PARD3B: variants seen among roughly 807,000 people sequenced by gnomAD.
PARD3B encodes the protein par-3 family cell polarity regulator beta, also known as partitioning defective 3 homolog B.
PARD3B carries 103 observed loss-of-function variants against 130.2 expected under a neutral mutation model. The ratio of observed to expected loss-of-function variants is 0.79; its 90% CI spans 0.67 to 0.93. The LOEUF is 0.93. Ranked by LOEUF, PARD3B falls within the 40% of genes least tolerant of loss-of-function variation. PARD3B has a pLI of 0.00. For missense variants in PARD3B, 1,609 were observed against 1,499.2 expected, an observed-to-expected ratio of 1.07 and a Z score of -1.21; for synonymous variants, 583 against 553.2, an observed-to-expected ratio of 1.05 and a Z score of -0.76.
At chr2:205,157,670 A>C (rs764329886) in intron 10 of PARD3B, among the ~76,000 whole-genome samples, 9 of 152,150 alleles carry the variant, frequency 5.9e-5, no homozygotes, top group Non-Finnish European at 1.2e-4. Flanking sequence ...CTTCAATGTG[A>C]CCTTAAGATG....
At chr2:205,370,121 G>A (rs2044754035) in intron 18 of PARD3B, among the ~76,000 whole-genome samples, 1 of 152,130 alleles carries the variant, frequency 6.6e-6, no homozygotes, top group South Asian at 2.1e-4. Context: ...GAAAAAGGCA[G>A]GAGTCACTTA....
intron 2 of PARD3B, among the ~76,000 whole-genome samples, chr2:204,848,173 C>T (rs1051382430): frequency 5.9e-5 from 9 of 152,036 alleles, no homozygotes; most frequent in Non-Finnish European, 1.3e-4. Context: ...TAAACTTTAT[C>T]ATAGGTGAGT....
chr2:205,373,503 A>G (rs2044906429), intron 18 of PARD3B, among the ~76,000 whole-genome samples: 1 of 152,226 alleles, frequency 6.6e-6, no homozygotes, highest in Non-Finnish European at 1.5e-5. Flanking sequence ...GACTTCAAAT[A>G]AATTTGGCAT....
chr2:204,696,577 C>T (rs2037621704), intron 2 of PARD3B, among the ~76,000 whole-genome samples: 1 of 151,978 alleles, frequency 6.6e-6, no homozygotes, highest in Admixed American at 6.6e-5. Context: ...GTTCCAAATT[C>T]TATATAAACC....
intron 20 of PARD3B, among the ~76,000 whole-genome samples, chr2:205,469,125 C>G (rs1035716472): frequency 6.6e-6 from 1 of 152,120 alleles, no homozygotes; most frequent in Admixed American, 6.5e-5. Context: ...TTTCCTCTAT[C>G]AAATCTTGAA....
rs75715660 is a variant in PARD3B, at chr2:205,171,577, T to G, written c.1621-634T>G. Among the ~76,000 whole-genome samples, 1,296 of 152,346 alleles carry G rather than the reference T, an allele frequency of 8.5e-3. 55 individuals carry two copies. The East Asian group carries it at 0.097, about 11-fold the overall frequency. ...CATCAGAGCCTCTTTGAAAAAACCTTGACAATTCTTTTTGTCAAGCTTTTC... is the reference window on the plus strand; with the variant it reads ...CATCAGAGCCTCTTTGAAAAAACCTGGACAATTCTTTTTGTCAAGCTTTTC... On this transcript the variant is annotated intron_variant, in intron 11 of 22. Coordinates refer to ENST00000406610, the MANE Select transcript of PARD3B (RefSeq NM_001302769.2).
intron 22 of PARD3B, among the ~76,000 whole-genome samples, chr2:205,577,002 T>C (rs1461578955): frequency 6.6e-6 from 1 of 152,214 alleles, no homozygotes; most frequent in Non-Finnish European, 1.5e-5. Flanking sequence ...TTAGATGTTA[T>C]AAATATTTTG....
chr2:204,968,656 T>C (rs1211832538), intron 3 of PARD3B, among the ~76,000 whole-genome samples: 2 of 152,258 alleles, frequency 1.3e-5, no homozygotes, highest in African/African-American at 4.8e-5. Context: ...TACTGTATAG[T>C]GAACTCATAT....
intron 1 of PARD3B, among the ~76,000 whole-genome samples, chr2:204,681,194 T>G (rs999707649): frequency 1.3e-5 from 2 of 152,200 alleles, no homozygotes; most frequent in Admixed American, 1.3e-4. Context: ...TATTAATACT[T>G]CTTTCCTTGA....
In PARD3B at chr2:205,537,415, T is replaced by C. The variant is rs369091577; in HGVS notation, c.3181-15909T>C. On this transcript the variant is annotated intron_variant, in intron 21 of 22. Coordinates refer to ENST00000406610, the MANE Select transcript of PARD3B (RefSeq NM_001302769.2). Reference sequence around the variant, plus strand: ...TTTTTCTTTTTTTCTCTGGTTCTCCTGTCTGCTGACCCCTTGCTACATGAT... The same window carrying C: ...TTTTTCTTTTTTTCTCTGGTTCTCCCGTCTGCTGACCCCTTGCTACATGAT... 1.6e-3 allele frequency among the ~76,000 whole-genome samples: 241 copies of C among 152,334 alleles called. 2 individuals are homozygous for C. Among genetic ancestry groups the C allele is most frequent in the African/African-American group, 5.6e-3 (233 of 41,580 alleles).
rs1272823518 is a variant in PARD3B, at chr2:205,473,707, TATAC to T, written c.3045-26187_3045-26184del. Among the ~76,000 whole-genome samples, 2,117 of 114,640 alleles carry T rather than the reference TATAC, an allele frequency of 0.018. 47 individuals carry two copies. The highest frequency in any genetic ancestry group is 0.084 in the African/African-American group (1,721 of 20,464). 75.2% of individuals were successfully genotyped at this position (114,640 alleles called of 152,430 possible). A position where few individuals can be genotyped will look rare whatever the true frequency, so the allele number is the denominator to read the frequency against. On this transcript the variant is annotated intron_variant, in intron 20 of 22. Coordinates refer to ENST00000406610, the MANE Select transcript of PARD3B (RefSeq NM_001302769.2). The surrounding 1 kb of genome is among the most constrained non-coding windows in gnomAD (Gnocchi z 4.9). ...ATGTATATATATATATATATATATA[TATAC>T]ACACACACGTATATAAAACCCTAAA...
chr2:204,567,226 C>G (rs1201467980), intron 1 of PARD3B, among the ~76,000 whole-genome samples: 3 of 152,068 alleles, frequency 2.0e-5, no homozygotes, highest in African/African-American at 7.2e-5. Flanking sequence ...TTAAAACGTA[C>G]ATAACATAAA....
At chr2:205,043,383 A>T (rs1319376930) in intron 3 of PARD3B, among the ~76,000 whole-genome samples, 1 of 152,086 alleles carries the variant, frequency 6.6e-6, no homozygotes, top group East Asian at 1.9e-4. Flanking sequence ...AATTTATTTC[A>T]GCCTCCCATC....
At chr2:204,843,459 G>C (rs990051990) in intron 2 of PARD3B, among the ~76,000 whole-genome samples, 1 of 151,652 alleles carries the variant, frequency 6.6e-6, no homozygotes, top group African/African-American at 2.4e-5. Flanking sequence ...GCGTGATCTT[G>C]GTTGACTGCA....
At chr2:205,531,788 A>G (rs2051607543) in intron 21 of PARD3B, among the ~76,000 whole-genome samples, 1 of 152,190 alleles carries the variant, frequency 6.6e-6, no homozygotes, top group South Asian at 2.1e-4. Flanking sequence ...AAACTGATTG[A>G]CAAATTGGTG....
chr2:204,707,520 T>G (rs913878321), intron 2 of PARD3B, among the ~76,000 whole-genome samples: 2 of 152,202 alleles, frequency 1.3e-5, no homozygotes, highest in Admixed American at 1.3e-4. Flanking sequence ...CCTAGATATA[T>G]CTAGTAGATG....
chr2:205,026,846 A>G (rs1486709826), intron 3 of PARD3B, among the ~76,000 whole-genome samples: 1 of 152,114 alleles, frequency 6.6e-6, no homozygotes, highest in Non-Finnish European at 1.5e-5. Flanking sequence ...TGATGTTGCA[A>G]ATTGCAAAAT....
chr2:205,516,758 CTTTCTTTT>C (rs2050807068), intron 21 of PARD3B, among the ~76,000 whole-genome samples: 2 of 152,014 alleles, frequency 1.3e-5, no homozygotes, highest in African/African-American at 4.8e-5. Context: ...CCCTTTCTTT[CTTTCTTTT>C]GCTTGATTGC....
At position 205,440,789 on chromosome 2, in the gene PARD3B, T is replaced by G; in HGVS notation, c.3044+117T>G. ...ATCAATTAAAACTGAAACGAGTCAG[T>G]ACCCTAGACAAGTGCCATCCTTTGA... On this transcript the variant is annotated intron_variant, in intron 20 of 22. Transcript: ENST00000406610. The surrounding 1 kb of genome is among the most constrained non-coding windows in gnomAD (Gnocchi z 4.2). 3.7e-6 allele frequency: 4 copies of G among 1,082,986 alleles called. No homozygotes were observed. The highest frequency in any genetic ancestry group is 3.9e-6 in the Non-Finnish European group (3 of 764,712). 67.1% of individuals were successfully genotyped at this position (1,082,986 alleles called of 1,614,324 possible).
Sources: gnomAD v4.1 joint callset for allele counts (sites outside exome capture counted in the v4.1 genomes callset) on GRCh38, gnomAD v4.1.1 for gene constraint, Gnocchi (gnomAD v3.1) non-coding constraint, MANE v1.5 for transcripts, NCBI Gene and HGNC (gene_info 2026-07-23, HGNC 2026-07-21) for gene names.